ELAVL3: variants seen among roughly 807,000 people sequenced by gnomAD.
ELAVL3 encodes ELAV-like protein 3.
In ELAVL3, 8 loss-of-function variants were observed where a neutral mutation model predicts 34.2. The ratio of observed to expected loss-of-function variants is 0.23; its 90% CI spans 0.14 to 0.42. ELAVL3 has a LOEUF of 0.42. ELAVL3 is among the 10% of genes least tolerant of loss of function. ELAVL3 has a pLI of 1.00. For missense variants in ELAVL3, 273 were observed against 518.8 expected (o/e 0.53, Z 4.60); for synonymous variants, 209 against 222.1 (o/e 0.94, Z 0.53).
At chr19:11,457,196 C>A (rs566580434) in intron 5 of ELAVL3, 48 bp from the exon 6 acceptor site, 5 of 1,528,914 alleles carry the variant, frequency 3.3e-6, no homozygotes, top group African/African-American at 1.4e-5. Flanking sequence ...GTCACGCCCC[C>A]CTGCTGTGAC....
chr19:11,465,955 G>C (rs929279179), intron 3 of ELAVL3, among the ~76,000 whole-genome samples: 2 of 152,116 alleles, frequency 1.3e-5, no homozygotes, highest in Non-Finnish European at 2.9e-5. Flanking sequence ...AGCCAGTACT[G>C]TCCCCATTGA....
chr19:11,466,869 C>A lies in ELAVL3; in HGVS notation c.10-42G>T. ...GCATCCGCTCACCGCCCAGTCCCCA[C>A]ACCAGGGGCCTGCGGCAATGAGTGG... On this transcript the variant is annotated intron_variant, in intron 1 of 6. Coordinates refer to ENST00000359227, the MANE Select transcript of ELAVL3 (RefSeq NM_001420.4). The surrounding 1 kb of genome is among the most constrained non-coding windows in gnomAD (Gnocchi z 5.0). 6.6e-7 allele frequency: 1 copy of A among 1,518,026 alleles called. No homozygotes were observed. 94.0% of individuals were successfully genotyped at this position (1,518,026 alleles called of 1,614,324 possible).
At chr19:11,467,816 G>A (rs1971086285) in intron 1 of ELAVL3, among the ~76,000 whole-genome samples, 1 of 143,792 alleles carries the variant, frequency 7.0e-6, no homozygotes, top group African/African-American at 2.6e-5. Context: ...TAGAAAAAGG[G>A]TCTCGCTCTG....
Position 11,454,240 on chromosome 19 carries a change from C to A in ELAVL3, c.*286G>T. Reference sequence around the variant, plus strand: ...CATTCTTTTTAGCCGAAAAAAGAAACAAAAACCTTCACCATGAACCAAACC... The same window carrying A: ...CATTCTTTTTAGCCGAAAAAAGAAAAAAAAACCTTCACCATGAACCAAACC... On this transcript the variant is annotated 3_prime_UTR_variant, in exon 7 of 7. Transcript: ENST00000359227. This position sits in a 1 kb window ranked among gnomAD's most constrained non-coding sequence, Gnocchi z 9.2. 2.5e-6 allele frequency: 1 copy of A among 392,748 alleles called. No homozygotes were observed. Among genetic ancestry groups the A allele is most frequent in the South Asian group, 5.3e-5 (1 of 19,040 alleles). 24.3% of individuals were successfully genotyped at this position (392,748 alleles called of 1,614,324 possible).
At chr19:11,465,316 TACACACATGCACACACACCAC>T (rs1971026605) in intron 3 of ELAVL3, among the ~76,000 whole-genome samples, 5 of 127,880 alleles carry the variant, frequency 3.9e-5, no homozygotes, top group African/African-American at 1.5e-4. Flanking sequence ...ACCACACACA[TACACACATGCACACACACCAC>T]ACACACATGC....
chr19:11,468,718 G>C (rs311798), intron 1 of ELAVL3, among the ~76,000 whole-genome samples: 8,830 of 152,150 alleles, frequency 0.058, 492 homozygotes, highest in African/African-American at 0.15. Flanking sequence ...GAGCCACCAC[G>C]CCCGGCCCTT....
chr19:11,462,703 A>G lies in ELAVL3; in HGVS notation c.333+3469T>C, dbSNP rs567961381. ...CTGGGCACGGTGGCTCACGCCTGTA[A>G]TCCCAGCACTTTGGGAGGCTTGAGG... On this transcript the variant is annotated intron_variant, in intron 3 of 6. Coordinates refer to ENST00000359227, the MANE Select transcript of ELAVL3 (RefSeq NM_001420.4). Among the ~76,000 whole-genome samples the G allele has an allele frequency of 7.2e-5, 11 of 152,056 alleles. No homozygotes were observed. The South Asian group carries it at 2.3e-3, about 32-fold the overall frequency.
rs1280366075 is a variant in ELAVL3 at position 11,458,564 on chromosome 19, C to T, written c.381G>A (p.Leu127=). ...PSSASIRDAN[L]YVSGLPKTMS... ...TGGTCTTGGGGAGCCCGCTGACGTACAGGTTAGCATCCCGGATGGATGCTG... is the reference window on the plus strand; with the variant it reads ...TGGTCTTGGGGAGCCCGCTGACGTATAGGTTAGCATCCCGGATGGATGCTG... The change falls in exon 4 of 7, where the codon CTG becomes CTA. Residue 127 remains leucine, a synonymous_variant. Coordinates refer to ENST00000359227, the MANE Select transcript of ELAVL3 (RefSeq NM_001420.4). This position sits in a 1 kb window ranked among gnomAD's most constrained non-coding sequence, Gnocchi z 7.3. The T allele has an allele frequency of 6.2e-7, 1 of 1,614,018 alleles. No homozygotes were observed. Among genetic ancestry groups the T allele is most frequent in the African/African-American group, 1.3e-5 (1 of 74,942 alleles).
intron 3 of ELAVL3, among the ~76,000 whole-genome samples, chr19:11,463,525 T>TCA (rs1238841014): frequency 1.3e-5 from 2 of 152,006 alleles, no homozygotes; most frequent in African/African-American, 4.8e-5. Context: ...ACACACGATA[T>TCA]CACACTCAAT....
chr19:11,462,801 A>G (rs1282724365), intron 3 of ELAVL3, among the ~76,000 whole-genome samples: 1 of 151,458 alleles, frequency 6.6e-6, no homozygotes, highest in Non-Finnish European at 1.5e-5. Flanking sequence ...TCTACTAAAA[A>G]AAATACAAAG....
At chr19:11,455,589 G>A (rs1970752227) in intron 6 of ELAVL3, among the ~76,000 whole-genome samples, 2 of 151,544 alleles carry the variant, frequency 1.3e-5, no homozygotes, top group Non-Finnish European at 2.9e-5. Flanking sequence ...ACCCAGCCAT[G>A]CCCCGCTAAT....
Position 11,466,081 on chromosome 19 carries a change from G to C in ELAVL3, c.333+91C>G. The stretch of plus-strand genomic sequence containing the variant: ...ATGAGTCCTGAAAGGCAGTGGACAT[G>C]GATGCATGGGGGCGGGTAGGTGGCA... On this transcript the variant is annotated intron_variant, in intron 3 of 6. Transcript: ENST00000359227. The surrounding 1 kb of genome is among the most constrained non-coding windows in gnomAD (Gnocchi z 5.0). 1 of 1,141,048 alleles carries C rather than the reference G, an allele frequency of 8.8e-7. No homozygotes were observed. The highest frequency in any genetic ancestry group is 1.9e-5 in the Admixed American group (1 of 53,280). The allele number at this position is 1,141,048 out of a possible 1,614,324, so 70.7% of individuals were successfully genotyped here.
chr19:11,455,977 C>T lies in ELAVL3; in HGVS notation c.753-1100G>A, dbSNP rs141751882. Among the ~76,000 whole-genome samples the T allele has an allele frequency of 3.7e-4, 56 of 152,328 alleles. 1 individual carries two copies. The East Asian group carries it at 7.5e-3, about 20-fold the overall frequency. On this transcript the variant is annotated intron_variant, in intron 6 of 6. Transcript: ENST00000359227. ...TCCTGACCACGAGGAACAAACTACT[C>T]GCTCCTTCTGGCCCTCTTTGCACAG... is the stretch of plus-strand genomic sequence containing the variant.
chr19:11,466,888 T>C lies in ELAVL3; in HGVS notation c.10-61A>G. The C allele has an allele frequency of 7.0e-7, 1 of 1,438,532 alleles. No homozygotes were observed. Among genetic ancestry groups the C allele is most frequent in the Non-Finnish European group, 9.5e-7 (1 of 1,050,120 alleles). 89.1% of individuals were successfully genotyped at this position (1,438,532 alleles called of 1,614,324 possible). On this transcript the variant is annotated intron_variant, in intron 1 of 6. Transcript: ENST00000359227. This position sits in a 1 kb window ranked among gnomAD's most constrained non-coding sequence, Gnocchi z 5.0. ...TCCCCACACCAGGGGCCTGCGGCAA[T>C]GAGTGGCTTGGTGGTGATGAATTAG...
chr19:11,458,041 C>A lies in ELAVL3; in HGVS notation c.713+20G>T. On this transcript the variant is annotated intron_variant, in intron 5 of 6. Coordinates refer to ENST00000359227, the MANE Select transcript of ELAVL3 (RefSeq NM_001420.4). The surrounding 1 kb of genome is among the most constrained non-coding windows in gnomAD (Gnocchi z 7.3). ...TTGGGGGCACCCGGCCTGGGGCCAT[C>A]TGGCTGGCAGGGGGCTCACCGGAAA... 3.1e-6 allele frequency: 5 copies of A among 1,608,022 alleles called. No homozygotes were observed. Among genetic ancestry groups the A allele is most frequent in the Non-Finnish European group, 4.2e-6 (5 of 1,179,562 alleles).
At chr19:11,457,923 C>T in intron 5 of ELAVL3, 138 bp downstream of exon 5, 1 of 865,056 alleles carries the variant, frequency 1.2e-6, no homozygotes, top group African/African-American at 1.7e-5. Context: ...CTGGCCTTGG[C>T]ACCTGACAGA....
Position 11,480,507 on chromosome 19 carries a change from C to A in ELAVL3, c.9+93G>T. On this transcript the variant is annotated intron_variant, in intron 1 of 6. Coordinates refer to ENST00000359227, the MANE Select transcript of ELAVL3 (RefSeq NM_001420.4). The surrounding 1 kb of genome is among the most constrained non-coding windows in gnomAD (Gnocchi z 6.8). Reference sequence around the variant, plus strand: ...AACCCGGGCCTAGCTAGGCCTGGTCCTACCCCCCCCGCCGCACCCGCCCAA... The same window carrying A: ...AACCCGGGCCTAGCTAGGCCTGGTCATACCCCCCCCGCCGCACCCGCCCAA... The A allele has an allele frequency of 7.4e-7, 1 of 1,354,444 alleles. No individual in the cohort carries two copies. The highest frequency in any genetic ancestry group is 1.5e-5 in the African/African-American group (1 of 64,632). 83.9% of individuals were successfully genotyped at this position (1,354,444 alleles called of 1,614,324 possible).
At chr19:11,462,303 A>G (rs1047802215) in intron 3 of ELAVL3, among the ~76,000 whole-genome samples, 1 of 151,988 alleles carries the variant, frequency 6.6e-6, no homozygotes, top group Non-Finnish European at 1.5e-5. Flanking sequence ...AGAAAAAAAA[A>G]TCACATCAGC....
At chr19:11,457,994 G>A in intron 5 of ELAVL3, 67 bp downstream of exon 5, 1 of 1,512,382 alleles carries the variant, frequency 6.6e-7, no homozygotes, top group African/African-American at 1.4e-5. Context: ...GGCAGGAATG[G>A]GGTTCAGGGA....
Sources: allele counts gnomAD v4.1 joint callset (sites outside exome capture counted in the v4.1 genomes callset), GRCh38; gene constraint gnomAD v4.1.1; non-coding constraint Gnocchi (gnomAD v3.1); transcripts MANE v1.5; gene names NCBI Gene and HGNC (gene_info 2026-07-23, HGNC 2026-07-21).